The following SKIC3 variants were observed in gnomAD, a reference collection of about 807,000 sequenced individuals.
The protein encoded by SKIC3 is SKI3 subunit of superkiller complex.
the SKIC3 span, chr5:95,478,187 A>G: frequency 7.3e-7 from 1 of 1,369,172 alleles, no homozygotes; most frequent in Non-Finnish European, 1.0e-6. Context: ...GAACACAATG[A>G]AACAACAGGA....
At chr5:95,477,251 C>G in the SKIC3 span, among the ~76,000 whole-genome samples, 3 of 152,066 alleles carry the variant, frequency 2.0e-5, no homozygotes, top group African/African-American at 7.2e-5. Context: ...AGAGAACCCC[C>G]TATGCACAAG....
the SKIC3 span, among the ~76,000 whole-genome samples, chr5:95,549,665 G>A: frequency 1.3e-5 from 2 of 151,864 alleles, no homozygotes; most frequent in Non-Finnish European, 2.9e-5. Context: ...ATATATGTAC[G>A]TAAGTTTCAG....
At chr5:95,553,596 T>C in the SKIC3 span, among the ~76,000 whole-genome samples, 1 of 152,118 alleles carries the variant, frequency 6.6e-6, no homozygotes, top group Non-Finnish European at 1.5e-5. Context: ...GTTTTGCTCT[T>C]GTTGCCCAGG....
At chr5:95,548,551 AACT>A in the SKIC3 span, 1 of 152,036 alleles carries the variant, frequency 6.6e-6, no homozygotes, top group South Asian at 2.1e-4. Context: ...TTGCTTTAGA[AACT>A]ACTACCTTAT....
At chr5:95,520,330 C>T in the SKIC3 span, among the ~76,000 whole-genome samples, 1 of 151,446 alleles carries the variant, frequency 6.6e-6, no homozygotes, top group Non-Finnish European at 1.5e-5. Context: ...TTGGCTCTTA[C>T]CACTGAATGT....
chr5:95,553,389 C>T, the SKIC3 span, among the ~76,000 whole-genome samples: 1 of 152,184 alleles, frequency 6.6e-6, no homozygotes, highest in Non-Finnish European at 1.5e-5. Flanking sequence ...AATATTGTCA[C>T]TATGGTAGAA....
chr5:95,553,836 G>A, the SKIC3 span, among the ~76,000 whole-genome samples: 1 of 151,376 alleles, frequency 6.6e-6, no homozygotes, highest in Non-Finnish European at 1.5e-5. Flanking sequence ...TGGGATTACA[G>A]GCGTGAGCCA....
the SKIC3 span, among the ~76,000 whole-genome samples, chr5:95,519,666 A>G: frequency 6.6e-6 from 1 of 152,210 alleles, no homozygotes; most frequent in East Asian, 1.9e-4. Flanking sequence ...ACCCTTACAC[A>G]ATAATTGTGA....
At chr5:95,476,221 G>T in the SKIC3 span, among the ~76,000 whole-genome samples, 48 of 152,310 alleles carry the variant, frequency 3.2e-4, no homozygotes, top group South Asian at 9.9e-3. Context: ...ACAGATCTCA[G>T]CTCTGTACTC....
chr5:95,538,542 ATTTG>A, the SKIC3 span, among the ~76,000 whole-genome samples: 2 of 152,170 alleles, frequency 1.3e-5, no homozygotes, highest in East Asian at 1.9e-4. Context: ...TAGAGTCTAT[ATTTG>A]TTTATTTAAA....
At chr5:95,463,962 A>G in the SKIC3 span, 3 of 152,250 alleles carry the variant, frequency 2.0e-5, no homozygotes, top group Non-Finnish European at 4.4e-5. Flanking sequence ...TGCATGATCA[A>G]TTAAATATTA....
At chr5:95,523,812 A>T in the SKIC3 span, 2 of 1,613,460 alleles carry the variant, frequency 1.2e-6, no homozygotes, top group Non-Finnish European at 1.7e-6. Context: ...AACTTTGCCC[A>T]TATATGTATC....
the SKIC3 span, among the ~76,000 whole-genome samples, chr5:95,492,652 G>GAAAAAAAA: frequency 7.5e-3 from 366 of 48,802 alleles, 87 homozygotes; most frequent in Non-Finnish European, 9.3e-3. Flanking sequence ...AAAAAAAAAA[G>GAAAAAAAA]AAAAAAAAAA....
chr5:95,533,948 T>A, the SKIC3 span, among the ~76,000 whole-genome samples: 1 of 152,200 alleles, frequency 6.6e-6, no homozygotes, highest in African/African-American at 2.4e-5. Flanking sequence ...ATTTTCAAAG[T>A]ATTCACTGTG....
chr5:95,490,498 A>T, the SKIC3 span, among the ~76,000 whole-genome samples: 2 of 136,176 alleles, frequency 1.5e-5, no homozygotes, highest in South Asian at 2.2e-4. Context: ...ACATATATAT[A>T]TATATATTTT....
chr5:95,516,545 A>C, the SKIC3 span: 16 of 1,613,302 alleles, frequency 9.9e-6, no homozygotes, highest in Non-Finnish European at 1.4e-5. Flanking sequence ...GACTGGATTG[A>C]TTTGATGAAA....
the SKIC3 span, among the ~76,000 whole-genome samples, chr5:95,501,958 C>G: frequency 6.6e-6 from 1 of 152,030 alleles, no homozygotes; most frequent in Non-Finnish European, 1.5e-5. Flanking sequence ...CTTTTCCTAA[C>G]CAGCAAAGAG....
the SKIC3 span, chr5:95,540,750 T>C: frequency 6.2e-7 from 1 of 1,614,164 alleles, no homozygotes; most frequent in East Asian, 2.2e-5. Context: ...GAGTCAATTT[T>C]CTCCATAGTT....
At chr5:95,528,701 G>T in the SKIC3 span, 2 of 392,620 alleles carry the variant, frequency 5.1e-6, no homozygotes, top group Non-Finnish European at 4.8e-6. Flanking sequence ...CATGTGTCTT[G>T]GACACACCAG....
Sources: gnomAD v4.1 joint callset for allele counts (sites outside exome capture counted in the v4.1 genomes callset) on GRCh38, gnomAD v4.1.1 for gene constraint, MANE v1.5 for transcripts, NCBI Gene and HGNC (gene_info 2026-07-23, HGNC 2026-07-21) for gene names.